Variants in FRMPD4 observed in about 807,000 individuals in gnomAD.
FRMPD4 encodes FERM and PDZ domain-containing protein 4.
A neutral mutation model predicts 94.1 loss-of-function variants in FRMPD4; 22 were observed. The ratio of observed to expected loss-of-function variants is 0.23; its 90% CI spans 0.17 to 0.33. The LOEUF (loss-of-function observed/expected upper bound fraction) is 0.33, where lower values mean the gene tolerates loss of function less well. Among genes scored for constraint, FRMPD4 ranks in the 10% least tolerant of loss-of-function variants. The pLI, the probability that FRMPD4 is intolerant of heterozygous loss-of-function variation, is 1.00. For missense variants in FRMPD4, 1,111 were observed against 1,339.9 expected, an observed-to-expected ratio of 0.83 and a Z score of 2.67; for synonymous variants, 631 against 548.6, an observed-to-expected ratio of 1.15 and a Z score of -2.10.
At chrX:11,823,305 AATTATT>A (rs1175828931) in intron 1 of FRMPD4, among the ~76,000 whole-genome samples, 46 of 107,518 alleles carry the variant, frequency 4.3e-4, no homozygotes, top group African/African-American at 1.4e-3. Context: ...TAATAATAAT[AATTATT>A]ATTATTATTA....
chrX:11,974,963 G>C (rs2054359410), intron 3 of FRMPD4, among the ~76,000 whole-genome samples: 2 of 111,777 alleles, frequency 1.8e-5, no homozygotes, highest in Non-Finnish European at 3.8e-5. Flanking sequence ...ATATGCTAGG[G>C]CTGAGGAGCA....
intron 3 of FRMPD4, among the ~76,000 whole-genome samples, chrX:12,105,477 C>T (rs2055289285): frequency 8.9e-6 from 1 of 112,154 alleles, no homozygotes. Context: ...TGTGTGCACT[C>T]ATGTCTGTGT....
chrX:12,658,073 C>G (rs926642862), intron 4 of FRMPD4, among the ~76,000 whole-genome samples: 1 of 111,866 alleles, frequency 8.9e-6, no homozygotes, highest in African/African-American at 3.2e-5. Flanking sequence ...GGAAAAGTGG[C>G]TCGGTCATGA....
chrX:11,888,349 A>AAATTCTATT (rs2053857097), intron 3 of FRMPD4, among the ~76,000 whole-genome samples: 1 of 111,941 alleles, frequency 8.9e-6, no homozygotes, highest in South Asian at 3.7e-4. Flanking sequence ...TACAACTCTG[A>AAATTCTATT]AATTCTATTC....
At position 12,704,399 on chromosome X, in the gene FRMPD4, C is replaced by A; in HGVS notation, c.1111C>A (p.Leu371Met). ...AGAGACTTTTCTTCCCTCTGCTGTG[C>A]TGCAAAGCATGAAAGAGAAGAACAT... The part of the protein sequence containing the change: ...GLETFLPSAV[L>M]QSMKEKNIKK... Residue 371 changes from leucine to methionine, a missense_variant, in exon 11 of 17, where the codon CTG becomes ATG. By Grantham distance (15) the Leu-to-Met change is conservative (BLOSUM62 2). Transcript: ENST00000675598. The A allele has an allele frequency of 3.4e-6, 4 of 1,183,641 alleles. No homozygotes were observed. Among genetic ancestry groups the A allele is most frequent in the Non-Finnish European group, 4.6e-6 (4 of 873,450 alleles).
chrX:12,318,615 G>A (rs1024622619), intron 1 of FRMPD4, among the ~76,000 whole-genome samples: 8 of 111,918 alleles, frequency 7.1e-5, no homozygotes, highest in Non-Finnish European at 1.1e-4. Flanking sequence ...GGTTACCAGA[G>A]GCTGGGAAGG....
chrX:11,978,173 T>G (rs1372807067), intron 3 of FRMPD4, among the ~76,000 whole-genome samples: 3 of 107,644 alleles, frequency 2.8e-5, no homozygotes, highest in African/African-American at 1.0e-4. Context: ...ATACAAAAAA[T>G]TAGCCGGGTG....
At chrX:12,548,461 G>A (rs2058501102) in intron 2 of FRMPD4, among the ~76,000 whole-genome samples, 1 of 112,122 alleles carries the variant, frequency 8.9e-6, no homozygotes, top group Admixed American at 9.4e-5. Context: ...AAGTTACATA[G>A]CTGCAAAATT....
intron 3 of FRMPD4, among the ~76,000 whole-genome samples, chrX:11,924,933 G>A (rs2054077854): frequency 9.0e-6 from 1 of 111,400 alleles, no homozygotes; most frequent in Admixed American, 9.5e-5. Context: ...TGGGCTAAAT[G>A]TCCCAATTAA....
At chrX:12,249,770 T>G (rs2054007970) in intron 1 of FRMPD4, among the ~76,000 whole-genome samples, 1 of 111,356 alleles carries the variant, frequency 9.0e-6, no homozygotes, top group African/African-American at 3.3e-5. Context: ...TCAAAAATGA[T>G]TCTAAATTGT....
At chrX:12,443,606 T>A (rs1223668843) in intron 1 of FRMPD4, among the ~76,000 whole-genome samples, 1 of 111,357 alleles carries the variant, frequency 9.0e-6, no homozygotes, top group Admixed American at 9.5e-5. Flanking sequence ...ATGGGTTTTG[T>A]GTGTGTAATA....
chrX:12,199,237 A>ATGTG (rs5901464), intron 1 of FRMPD4, among the ~76,000 whole-genome samples: 3,970 of 91,178 alleles, frequency 0.044, 127 homozygotes, highest in African/African-American at 0.097. Flanking sequence ...AGAAAGGAAA[A>ATGTG]TGTGTGTGTG....
At chrX:12,389,814 G>A (rs904455530) in intron 1 of FRMPD4, among the ~76,000 whole-genome samples, 2 of 111,599 alleles carry the variant, frequency 1.8e-5, no homozygotes, top group East Asian at 2.8e-4. Flanking sequence ...GTACTATCCC[G>A]TATGTTTCCT....
chrX:12,085,193 C>T (rs919512215), intron 3 of FRMPD4, among the ~76,000 whole-genome samples: 13 of 111,906 alleles, frequency 1.2e-4, no homozygotes, highest in African/African-American at 4.2e-4. Flanking sequence ...TTAAAGTCTT[C>T]ATGTGGATCT....
intron 1 of FRMPD4, among the ~76,000 whole-genome samples, chrX:12,291,356 ATCAAAT>A (rs913736308): frequency 3.6e-5 from 4 of 111,550 alleles, no homozygotes; most frequent in African/African-American, 6.5e-5. Flanking sequence ...TTCCATTTCC[ATCAAAT>A]GTTATGGTTT....
At chrX:12,386,794 A>G (rs1470144521) in intron 1 of FRMPD4, among the ~76,000 whole-genome samples, 1 of 111,540 alleles carries the variant, frequency 9.0e-6, no homozygotes, top group Non-Finnish European at 1.9e-5. Context: ...TAAAATGGCA[A>G]GAATTTGTCA....
chrX:12,405,940 G>C lies in FRMPD4; in HGVS notation c.42-92740G>C, dbSNP rs187215727. On this transcript the variant is annotated intron_variant, in intron 1 of 16. Transcript: ENST00000675598. ...GGGTGGGATTCTGGGAAGTGATGAGGAGATTAGAAATACATAGCATCATGA... is the reference window on the plus strand; with the variant it reads ...GGGTGGGATTCTGGGAAGTGATGAGCAGATTAGAAATACATAGCATCATGA... Among the ~76,000 whole-genome samples, 6 of 110,933 alleles carry C rather than the reference G, an allele frequency of 5.4e-5. No individual in the cohort carries two copies. The East Asian group carries it at 1.4e-3, about 26-fold the overall frequency.
intron 3 of FRMPD4, among the ~76,000 whole-genome samples, chrX:11,907,269 A>G (rs911744544): frequency 9.0e-6 from 1 of 110,755 alleles, no homozygotes; most frequent in Non-Finnish European, 1.9e-5. Context: ...ACCCACTCAG[A>G]GTCCATTAAA....
chrX:12,704,087 A>C (rs767993021), intron 10 of FRMPD4, among the ~76,000 whole-genome samples: 20 of 112,719 alleles, frequency 1.8e-4, no homozygotes, highest in Non-Finnish European at 3.2e-4. Flanking sequence ...GTTGGACAAA[A>C]TGTCTCTTCA....
Sources: allele counts gnomAD v4.1 joint callset (sites outside exome capture counted in the v4.1 genomes callset), GRCh38; gene constraint gnomAD v4.1.1; transcripts MANE v1.5; gene names NCBI Gene and HGNC (gene_info 2026-07-23, HGNC 2026-07-21).